Variants in LENG8 observed in about 807,000 individuals in gnomAD.
LENG8 encodes leukocyte receptor cluster member 8.
A neutral mutation model predicts 102.1 loss-of-function variants in LENG8; 28 were observed. The ratio of observed to expected loss-of-function variants is 0.27; its 90% CI spans 0.20 to 0.38. LENG8 has a LOEUF of 0.38. Ranked by LOEUF, LENG8 falls within the 10% of genes least tolerant of loss-of-function variation. LENG8 has a pLI of 1.00. For missense variants in LENG8, 1,022 were observed against 1,113.9 expected (o/e 0.92, Z 1.17); for synonymous variants, 531 against 456.7 (o/e 1.16, Z -2.07).
chr19:54,456,740 A>G lies in LENG8; in HGVS notation c.1550A>G (p.Gln517Arg). Reference sequence around the variant, plus strand: ...AAGCAGAAGCGGGCAGCCCGCTTCCAGCACGGACACTCCCGCCGCCTGCGC... The same window carrying G: ...AAGCAGAAGCGGGCAGCCCGCTTCCGGCACGGACACTCCCGCCGCCTGCGC... ...LKKQKRAARF[Q>R]HGHSRRLRLE... The change falls in exon 11 of 16, where the codon CAG becomes CGG. Residue 517 changes from glutamine to arginine, a missense_variant. Around this residue, in one of 7 missense-constraint regions of LENG8, gnomAD observed 326 missense variants for 324.5 expected, o/e 1.00. Coordinates refer to ENST00000326764, the MANE Select transcript of LENG8 (RefSeq NM_052925.4). The G allele has an allele frequency of 6.2e-7, 1 of 1,612,392 alleles. No individual in the cohort carries two copies. Among genetic ancestry groups the G allele is most frequent in the Non-Finnish European group, 8.5e-7 (1 of 1,179,520 alleles).
Position 54,457,764 on chromosome 19 carries a change from G to C in LENG8, c.1749G>C (p.Leu583=). Residue 583 remains leucine (L), a synonymous_variant, in exon 12 of 16, where the codon CTG becomes CTC. Coordinates refer to ENST00000326764, the MANE Select transcript of LENG8 (RefSeq NM_052925.4). ...VRPVAVLKKS[L]CMVKCHWKEK... Reference sequence around the variant, plus strand: ...TTTTTCAGGTTTTGAAAAAGTCGCTGTGCATGGTCAAGTGCCACTGGAAAG... The same window carrying C: ...TTTTTCAGGTTTTGAAAAAGTCGCTCTGCATGGTCAAGTGCCACTGGAAAG... 6.2e-7 allele frequency: 1 copy of C among 1,613,962 alleles called. No homozygotes were observed. The highest frequency in any genetic ancestry group is 8.5e-7 in the Non-Finnish European group (1 of 1,179,812).
Position 54,451,393 on chromosome 19 carries a change from C to T in LENG8, c.38+11C>T, listed in dbSNP as rs751442957. The T allele has an allele frequency of 1.9e-5, 31 of 1,613,712 alleles. No individual in the cohort carries two copies. In the Admixed American group the frequency reaches 2.0e-4, roughly 10 times the overall value. ...ACGTAGCACAGATTGGTTAGTGAGG[C>T]GAGAGGGATGGAGGCCAGTCGGGAG... On this transcript the variant is annotated intron_variant, in intron 2 of 15. Coordinates refer to ENST00000326764, the MANE Select transcript of LENG8 (RefSeq NM_052925.4).
At chr19:54,460,580 C>T in intron 15 of LENG8, 186 bp from the exon 16 acceptor site, 1 of 1,397,580 alleles carries the variant, frequency 7.2e-7, no homozygotes, top group Admixed American at 3.1e-5. Context: ...GGACTGGGGT[C>T]ACTAACCCCC....
At chr19:54,455,305 G>A in intron 7 of LENG8, 59 bp from the exon 8 acceptor site, 2 of 1,583,634 alleles carry the variant, frequency 1.3e-6, no homozygotes, top group Non-Finnish European at 1.7e-6. Context: ...GTGGCGGTGG[G>A]GATGGTCTTT....
Position 54,460,811 on chromosome 19 carries a change from C to T in LENG8, c.2286C>T (p.Ala762=). 6.3e-7 allele frequency: 1 copy of T among 1,578,066 alleles called. No individual in the cohort carries two copies. The highest frequency in any genetic ancestry group is 8.6e-7 in the Non-Finnish European group (1 of 1,162,634). Reference sequence around the variant, plus strand: ...TCTCCTACCTGCAGGCCGAGCTGGCCTTCGAGGGCGAGGCCGCCTGCCGGG... The same window carrying T: ...TCTCCTACCTGCAGGCCGAGCTGGCTTTCGAGGGCGAGGCCGCCTGCCGGG... ...LPVSYLQAEL[A]FEGEAACRAF... Residue 762 remains alanine, a synonymous_variant, in exon 16 of 16, where the codon GCC becomes GCT. Transcript: ENST00000326764.
chr19:54,455,588 T>C, intron 8 of LENG8, 21 bp downstream of exon 8: 2 of 1,592,334 alleles, frequency 1.3e-6, no homozygotes, highest in African/African-American at 1.3e-5. Context: ...GTGGGGGACA[T>C]AGGTGGGAGG....
chr19:54,451,726 T>C (rs1234481228), intron 2 of LENG8, among the ~76,000 whole-genome samples: 1 of 152,200 alleles, frequency 6.6e-6, no homozygotes, highest in East Asian at 1.9e-4. Context: ...CTCAAAATAG[T>C]GTGATAACCT....
At chr19:54,460,050 C>T (rs3745437) in intron 15 of LENG8, 107,858 of 1,286,984 alleles carry the variant, frequency 0.084, 5,782 homozygotes, top group East Asian at 0.33. Flanking sequence ...CACCTTCCCC[C>T]CAAGGAGGCT....
In LENG8 at chr19:54,458,456, T is replaced by C. The variant is rs1222661367; in HGVS notation, c.2175T>C (p.Ser725=). The change falls in exon 15 of 16, where the codon TCT becomes TCC. Residue 725 remains serine, a synonymous_variant. Transcript: ENST00000326764. ...FRLYCHAPCM[S]GYLVDKFADR... is the part of the protein sequence containing the mutation. ...TCTACTGCCATGCACCCTGCATGTC[T>C]GGCTACCTCGTGGACAAGTTTGCAG... 2 of 1,614,148 alleles carry C rather than the reference T, an allele frequency of 1.2e-6. No individual in the cohort carries two copies. Among genetic ancestry groups the C allele is most frequent in the Non-Finnish European group, 1.7e-6 (2 of 1,180,054 alleles).
At chr19:54,459,825 TG>T (rs2084439344) in intron 15 of LENG8, 1 of 1,154,842 alleles carries the variant, frequency 8.7e-7, no homozygotes, top group African/African-American at 1.6e-5. Flanking sequence ...ATGACCAGCT[TG>T]GGAAGTTAGA....
rs1354378730 is a variant in LENG8, at chr19:54,461,873, A to G, written c.*945A>G. The G allele has an allele frequency of 2.8e-6, 2 of 717,232 alleles. No homozygotes were observed. Among genetic ancestry groups the G allele is most frequent in the Non-Finnish European group, 5.1e-6 (2 of 388,958 alleles). 44.4% of individuals were successfully genotyped at this position (717,232 alleles called of 1,614,324 possible). ...TGAGTTTGCAAACAGCTGGACTGTC[A>G]GGCTGCTTTTTTTCCAGATGTTCCT... On this transcript the variant is annotated 3_prime_UTR_variant, in exon 16 of 16. Transcript: ENST00000326764.
Position 54,456,622 on chromosome 19 carries a change from T to C in LENG8, c.1446-14T>C, listed in dbSNP as rs1482754606. The C allele has an allele frequency of 6.2e-7, 1 of 1,600,926 alleles. No individual in the cohort carries two copies. The highest frequency in any genetic ancestry group is 8.5e-7 in the Non-Finnish European group (1 of 1,173,634). ...AGACGCCTGTCGCGCTCACTGCCCC[T>C]CATCCCTTCCTAGGCACGATCTGGC... On this transcript the variant is annotated splice_polypyrimidine_tract_variant and intron_variant, in intron 10 of 15. Transcript: ENST00000326764.
In LENG8 at chr19:54,457,220, G is replaced by A. The variant is rs74533352; in HGVS notation, c.1731+299G>A. On this transcript the variant is annotated intron_variant, in intron 11 of 15. Transcript: ENST00000326764. ...CTCCCAGGCCCGTGGGCTGTGGGGCGTGGGGGGCTGTGTTTCCAGTGTTTG... is the reference window on the plus strand; with the variant it reads ...CTCCCAGGCCCGTGGGCTGTGGGGCATGGGGGGCTGTGTTTCCAGTGTTTG... Among the ~76,000 whole-genome samples, 1,054 of 152,370 alleles carry A rather than the reference G, an allele frequency of 6.9e-3. 11 individuals are homozygous for A. Among genetic ancestry groups the A allele is most frequent in the African/African-American group, 0.024 (1,007 of 41,590 alleles).
intron 5 of LENG8, 126 bp from the exon 6 acceptor site, chr19:54,454,304 T>C: frequency 1.1e-6 from 1 of 899,608 alleles, no homozygotes; most frequent in Non-Finnish European, 1.7e-6. Flanking sequence ...GAACTCACAT[T>C]TGGGAAGGTC....
intron 5 of LENG8, among the ~76,000 whole-genome samples, chr19:54,454,021 T>A (rs990936179): frequency 2.6e-5 from 4 of 152,146 alleles, no homozygotes; most frequent in Admixed American, 6.5e-5. Flanking sequence ...CTGGTGTAAT[T>A]ACGCATCTCG....
Position 54,452,760 on chromosome 19 carries a change from C to G in LENG8, c.315+8C>G, listed in dbSNP as rs775621305. 2.9e-5 allele frequency: 47 copies of G among 1,600,426 alleles called. No homozygotes were observed. Among genetic ancestry groups the G allele is most frequent in the Non-Finnish European group, 3.9e-5 (45 of 1,168,008 alleles). On this transcript the variant is annotated splice_region_variant and intron_variant, in intron 4 of 15. Transcript: ENST00000326764. ...AGCTACTACTATCCCATGGTGAGTG[C>G]CCAGCCAGTGGGGCGGGGCAGGGCG... is the stretch of plus-strand genomic sequence containing the variant.
Position 54,453,331 on chromosome 19 carries a change from T to C in LENG8, c.316-215T>C, listed in dbSNP as rs112978522. 1.9e-3 allele frequency among the ~76,000 whole-genome samples: 295 copies of C among 152,338 alleles called. 2 individuals are homozygous for C. Among genetic ancestry groups the C allele is most frequent in the African/African-American group, 6.8e-3 (283 of 41,576 alleles). On this transcript the variant is annotated intron_variant, in intron 4 of 15. Coordinates refer to ENST00000326764, the MANE Select transcript of LENG8 (RefSeq NM_052925.4). ...TAGAAGAGTTGGCACTCAGTATCGT[T>C]GATTATATTCTTCCGAGAACTAGCT... is the stretch of plus-strand genomic sequence containing the variant.
rs1246690291 is a variant in LENG8, at chr19:54,461,149, G to T, written c.*221G>T. The T allele has an allele frequency of 1.4e-6, 1 of 736,568 alleles. No individual in the cohort carries two copies. Among genetic ancestry groups the T allele is most frequent in the East Asian group, 2.7e-5 (1 of 36,828 alleles). 45.6% of individuals were successfully genotyped at this position (736,568 alleles called of 1,614,324 possible). A position where few individuals can be genotyped will look rare whatever the true frequency, so the allele number is the denominator to read the frequency against. ...AGAGGGATGGGATTGGGGAGGAGGGGATGGGCAGCGGAGGGTTGGGGGCAT... is the reference window on the plus strand; with the variant it reads ...AGAGGGATGGGATTGGGGAGGAGGGTATGGGCAGCGGAGGGTTGGGGGCAT... On this transcript the variant is annotated 3_prime_UTR_variant, in exon 16 of 16. Coordinates refer to ENST00000326764, the MANE Select transcript of LENG8 (RefSeq NM_052925.4).
At position 54,452,120 on chromosome 19, in the gene LENG8, G is replaced by T; in HGVS notation, c.66G>T (p.Gly22=). 1.9e-6 allele frequency: 3 copies of T among 1,614,056 alleles called. No homozygotes were observed. The highest frequency in any genetic ancestry group is 2.5e-6 in the Non-Finnish European group (3 of 1,179,968). Residue 22 remains glycine (G), a synonymous_variant, in exon 3 of 16, where the codon GGG becomes GGT. Coordinates refer to ENST00000326764, the MANE Select transcript of LENG8 (RefSeq NM_052925.4). ...DWSSQYSMVA[G]AGRENGMETP... is the part of the protein sequence containing the mutation. ...CTTCTCAGTACAGCATGGTGGCTGG[G>T]GCAGGCCGAGAGAATGGCATGGAGA...
Sources: allele counts gnomAD v4.1 joint callset (sites outside exome capture counted in the v4.1 genomes callset), GRCh38; gene constraint gnomAD v4.1.1; regional missense constraint gnomAD v4.1.1; transcripts MANE v1.5; gene names NCBI Gene and HGNC (gene_info 2026-07-23, HGNC 2026-07-21).